TLL2: variants seen among roughly 807,000 people sequenced by gnomAD.
TLL2 encodes the protein tolloid like 2.
A neutral mutation model predicts 123.0 loss-of-function variants in TLL2; 106 were observed. The observed-to-expected ratio is 0.86, with a 90% CI of 0.74 to 1.01. The LOEUF is 1.01. Among genes scored for constraint, TLL2 ranks in the 50% least tolerant of loss-of-function variants. TLL2 has a pLI of 0.00. For missense variants in TLL2, 1,332 were observed against 1,336.7 expected, an observed-to-expected ratio of 1.00 and a Z score of 0.06; for synonymous variants, 494 against 516.8, an observed-to-expected ratio of 0.96 and a Z score of 0.60.
At chr10:96,458,760 G>A (rs1355854641) in intron 2 of TLL2, among the ~76,000 whole-genome samples, 1 of 152,010 alleles carries the variant, frequency 6.6e-6, no homozygotes, top group Admixed American at 6.6e-5. Context: ...AACAGAGCAA[G>A]ACTCTGTCAA....
rs1589411473 is a variant in TLL2, at chr10:96,397,108, G to C, written c.1384+78C>G. 8 of 1,340,938 alleles carry C rather than the reference G, an allele frequency of 6.0e-6. No individual in the cohort carries two copies. In the East Asian group the frequency reaches 2.0e-4, roughly 33 times the overall value. 83.1% of individuals were successfully genotyped at this position (1,340,938 alleles called of 1,614,324 possible). On this transcript the variant is annotated intron_variant, in intron 11 of 20. Transcript: ENST00000357947. Reference sequence around the variant, plus strand: ...GCTCTGGCCTGGAGTGTCTGGGCTGGGAGAGGGACAGTGGGCTGCCTGGGA... The same window carrying C: ...GCTCTGGCCTGGAGTGTCTGGGCTGCGAGAGGGACAGTGGGCTGCCTGGGA...
intron 13 of TLL2, among the ~76,000 whole-genome samples, chr10:96,391,311 G>A (rs766424374): frequency 2.0e-5 from 3 of 152,220 alleles, no homozygotes; most frequent in South Asian, 2.1e-4. Context: ...TGGGCCGGTC[G>A]TAGGAAGGAA....
chr10:96,467,318 C>T (rs1302078542), intron 2 of TLL2, among the ~76,000 whole-genome samples: 1 of 152,112 alleles, frequency 6.6e-6, no homozygotes, highest in Non-Finnish European at 1.5e-5. Flanking sequence ...CTGGAAATCC[C>T]GGGCTCAAGC....
rs143140487 is a variant in TLL2, at chr10:96,509,177, C to A, written c.175+4334G>T. Among the ~76,000 whole-genome samples the A allele has an allele frequency of 3.0e-3, 457 of 152,316 alleles. 4 individuals carry two copies. Among genetic ancestry groups the A allele is most frequent in the African/African-American group, 0.011 (447 of 41,556 alleles). ...AATGAGCCTTCAGATAACTTCAGAACCCACTTGTTGAGTCACCCCAGCCTG... is the reference window on the plus strand; with the variant it reads ...AATGAGCCTTCAGATAACTTCAGAAACCACTTGTTGAGTCACCCCAGCCTG... On this transcript the variant is annotated intron_variant, in intron 1 of 20. Transcript: ENST00000357947.
chr10:96,396,545 A>G (rs958493118), intron 11 of TLL2, among the ~76,000 whole-genome samples: 3 of 146,148 alleles, frequency 2.1e-5, no homozygotes, highest in African/African-American at 5.6e-5. Context: ...GTAAGGCCAA[A>G]GGACCCTTGG....
In TLL2 at chr10:96,458,620, A is replaced by AT. The variant is rs1847042271; in HGVS notation, c.287-12453_287-12452insA. Among the ~76,000 whole-genome samples the AT allele has an allele frequency of 2.5e-5, 3 of 120,708 alleles. No homozygotes were observed. In the East Asian group the frequency reaches 6.7e-4, roughly 27 times the overall value. 79.2% of individuals were successfully genotyped at this position (120,708 alleles called of 152,430 possible). ...AAAAAAAAAAAAAAAAAAAAAAAAA[A>AT]ATCAGCCAGTCGTGGTGGCTCACAC... On this transcript the variant is annotated intron_variant, in intron 2 of 20. Coordinates refer to ENST00000357947, the MANE Select transcript of TLL2 (RefSeq NM_012465.4).
chr10:96,443,854 C>T (rs563208263), intron 3 of TLL2, among the ~76,000 whole-genome samples: 14 of 152,270 alleles, frequency 9.2e-5, no homozygotes, highest in East Asian at 1.9e-4. Flanking sequence ...AGCAGAAAAA[C>T]GCGGATCTGA....
At position 96,365,377 on chromosome 10, in the gene TLL2, T is replaced by A. The variant is rs2134046779; in HGVS notation, c.*2711A>T. ...CACTGGCTAAAGTTAATTCCAGATT[T>A]TTTCCTGCCCTGCAATCCAGGCTTA... On this transcript the variant is annotated 3_prime_UTR_variant, in exon 21 of 21. Transcript: ENST00000357947. The A allele has an allele frequency of 6.6e-6, 1 of 152,372 alleles. No individual in the cohort carries two copies. Among genetic ancestry groups the A allele is most frequent in the East Asian group, 1.9e-4 (1 of 5,194 alleles). 9.4% of individuals were successfully genotyped at this position (152,372 alleles called of 1,614,324 possible).
intron 1 of TLL2, 131 bp from the exon 2 acceptor site, chr10:96,480,590 C>A: frequency 1.4e-6 from 1 of 712,228 alleles, no homozygotes; most frequent in Admixed American, 2.2e-5. Flanking sequence ...TAAAATTTCT[C>A]CTTGAGCCTA....
In TLL2 at chr10:96,490,486, A is replaced by G. The variant is rs1164116784; in HGVS notation, c.176-10027T>C. ...TAAGAAAACTTACATAGGATAAAAC[A>G]GGTCTTGCACATTTGTGAAAAGTAG... On this transcript the variant is annotated intron_variant, in intron 1 of 20. Transcript: ENST00000357947. Among the ~76,000 whole-genome samples the G allele has an allele frequency of 3.9e-5, 6 of 152,262 alleles. No individual in the cohort carries two copies. The East Asian group carries it at 7.7e-4, about 19-fold the overall frequency.
intron 5 of TLL2, among the ~76,000 whole-genome samples, chr10:96,424,238 C>T (rs1194147566): frequency 1.3e-5 from 2 of 151,948 alleles, no homozygotes; most frequent in Non-Finnish European, 2.9e-5. Context: ...ATAAGATATA[C>T]TATTTGACCA....
At chr10:96,420,044 C>G (rs1015294357) in intron 7 of TLL2, among the ~76,000 whole-genome samples, 3 of 152,196 alleles carry the variant, frequency 2.0e-5, no homozygotes, top group Non-Finnish European at 4.4e-5. Flanking sequence ...TCCTTTCCCC[C>G]AGTTTTCTCA....
chr10:96,468,765 G>A (rs968361241), intron 2 of TLL2, among the ~76,000 whole-genome samples: 4 of 152,168 alleles, frequency 2.6e-5, no homozygotes, highest in African/African-American at 7.2e-5. Flanking sequence ...GCACCCCACC[G>A]TGGCCCCAGG....
chr10:96,380,692 CAAAAAA>C (rs57395382), intron 16 of TLL2, among the ~76,000 whole-genome samples: 2 of 53,060 alleles, frequency 3.8e-5, no homozygotes, highest in African/African-American at 7.8e-5. Flanking sequence ...GACTCTATCT[CAAAAAA>C]AAAAAAAAAA....
At chr10:96,392,664 C>T (rs1172740870) in intron 13 of TLL2, among the ~76,000 whole-genome samples, 1 of 152,122 alleles carries the variant, frequency 6.6e-6, no homozygotes, top group African/African-American at 2.4e-5. Flanking sequence ...CTGGAATAAA[C>T]AGAATTAGAA....
intron 1 of TLL2, among the ~76,000 whole-genome samples, chr10:96,490,586 T>C (rs1847403059): frequency 6.6e-6 from 1 of 152,226 alleles, no homozygotes; most frequent in Non-Finnish European, 1.5e-5. Context: ...TTGAACCTTA[T>C]ACTATACACC....
At chr10:96,448,704 G>A (rs1045082096) in intron 2 of TLL2, among the ~76,000 whole-genome samples, 1 of 152,130 alleles carries the variant, frequency 6.6e-6, no homozygotes, top group Non-Finnish European at 1.5e-5. Context: ...GTGGATATCT[G>A]GAGAGAAGCA....
intron 2 of TLL2, among the ~76,000 whole-genome samples, chr10:96,476,242 T>TTTTGTTG (rs58861907): frequency 8.1e-5 from 1 of 12,416 alleles, no homozygotes; most frequent in South Asian, 1.9e-3. Context: ...ATATATATAT[T>TTTTGTTG]TTATTTTTGT....
At position 96,405,238 on chromosome 10, in the gene TLL2, G is replaced by C. The variant is rs766117944; in HGVS notation, c.1261C>G (p.Leu421Val). ...VRDGYWRKAP[L>V]LGRFCGDKIP... The stretch of plus-strand genomic sequence containing the variant: ...GTGTCTAAAGTCAACTTACCCAAAA[G>C]GGGGGCTTTTCTCCAGTAACCATCC... The change falls in exon 10 of 21, where the codon CTT becomes GTT. Residue 421 changes from leucine (L) to valine (V), a missense_variant. By Grantham distance (32) the Leu-to-Val change is conservative (BLOSUM62 1). Coordinates refer to ENST00000357947, the MANE Select transcript of TLL2 (RefSeq NM_012465.4). 4 of 1,613,924 alleles carry C rather than the reference G, an allele frequency of 2.5e-6. No homozygotes were observed. The highest frequency in any genetic ancestry group is 2.7e-5 in the African/African-American group (2 of 74,920).
Sources: gnomAD v4.1 joint callset for allele counts (sites outside exome capture counted in the v4.1 genomes callset) on GRCh38, gnomAD v4.1.1 for gene constraint, MANE v1.5 for transcripts, NCBI Gene and HGNC (gene_info 2026-07-23, HGNC 2026-07-21) for gene names.